The following VPS13D variants were observed in gnomAD, a reference collection of about 807,000 sequenced individuals.
The protein encoded by VPS13D is intermembrane lipid transfer protein VPS13D.
A neutral mutation model predicts 461.9 loss-of-function variants in VPS13D; 187 were observed. That is an observed-to-expected ratio of 0.40 (90% CI 0.36 to 0.46). The LOEUF is 0.46. Ranked by LOEUF, VPS13D falls within the 20% of genes least tolerant of loss-of-function variation. The pLI, the probability that VPS13D is intolerant of heterozygous loss-of-function variation, is 0.60. For missense variants in VPS13D, 4,711 were observed against 5,364.9 expected, an observed-to-expected ratio of 0.88 and a Z score of 3.81; for synonymous variants, 1,951 against 1,986.3, an observed-to-expected ratio of 0.98 and a Z score of 0.47.
At chr1:12,307,214 A>G (rs552994166) in intron 26 of VPS13D, among the ~76,000 whole-genome samples, 1 of 152,236 alleles carries the variant, frequency 6.6e-6, no homozygotes, top group South Asian at 2.1e-4. Flanking sequence ...TTATAGACTA[A>G]TGAAAAAGAC....
At chr1:12,459,756 C>T (rs539039187) in intron 66 of VPS13D, among the ~76,000 whole-genome samples, 53 of 152,162 alleles carry the variant, frequency 3.5e-4, no homozygotes, top group Non-Finnish European at 6.9e-4. Context: ...GGATTATGGG[C>T]GTGAGCCACT....
chr1:12,400,886 C>T (rs10442703), intron 61 of VPS13D, among the ~76,000 whole-genome samples: 13,008 of 150,852 alleles, frequency 0.086, 771 homozygotes, highest in Middle Eastern at 0.17. Flanking sequence ...CCTGGGAGTT[C>T]GAGGCTACAG....
At chr1:12,382,699 G>A (rs1354656685) in intron 57 of VPS13D, among the ~76,000 whole-genome samples, 1 of 152,180 alleles carries the variant, frequency 6.6e-6, no homozygotes, top group Non-Finnish European at 1.5e-5. Context: ...CAAGAAGTTA[G>A]TACTAGTAAA....
rs1381664832 is a variant in VPS13D at position 12,277,211 on chromosome 1, G to A, written c.3623G>A (p.Gly1208Asp). 1 of 1,614,088 alleles carries A rather than the reference G, an allele frequency of 6.2e-7. No homozygotes were observed. The highest frequency in any genetic ancestry group is 8.5e-7 in the Non-Finnish European group (1 of 1,180,050). Residue 1208 changes from glycine (G) to aspartate (D), a missense_variant, in exon 19 of 70, where the codon GGT (glycine) becomes GAT (aspartate). By Grantham distance (94) the Gly-to-Asp change is moderately conservative. Coordinates refer to ENST00000620676, the MANE Select transcript of VPS13D (RefSeq NM_015378.4). ...GGCACCAAAGTTAATGTCTCAATGG[G>A]TAGCACGTTTGACATGAATGGTTCT... ...IGGTKVNVSMGSTFDMNGSLG... is the reference protein window; with the variant it reads ...IGGTKVNVSMDSTFDMNGSLG...
intron 63 of VPS13D, chr1:12,409,928 A>G: frequency 2.2e-6 from 1 of 456,100 alleles, no homozygotes; most frequent in South Asian, 1.5e-5. Flanking sequence ...TTTATTCTTG[A>G]GACTTTTTCT....
intron 65 of VPS13D, among the ~76,000 whole-genome samples, chr1:12,438,219 G>A (rs1645085751): frequency 6.6e-6 from 1 of 152,152 alleles, no homozygotes; most frequent in East Asian, 1.9e-4. Flanking sequence ...AACCCCAAAG[G>A]TGTTGGTGTC....
In VPS13D at chr1:12,502,387, T is replaced by C. The variant is rs1320346425; in HGVS notation, c.12795-4466T>C. On this transcript the variant is annotated intron_variant, in intron 68 of 69. Transcript: ENST00000620676. The surrounding 1 kb of genome is among the most constrained non-coding windows in gnomAD (Gnocchi z 4.3). ...GGCTTCGGGCTCCTTGCCTGTCTGG[T>C]TGATGAGGCTGGGGGTGCTGAAGAG... 2.0e-5 allele frequency among the ~76,000 whole-genome samples: 3 copies of C among 151,978 alleles called. No homozygotes were observed. Among genetic ancestry groups the C allele is most frequent in the Admixed American group, 1.3e-4 (2 of 15,244 alleles).
In VPS13D at chr1:12,299,618, G is replaced by A. The variant is rs115659712; in HGVS notation, c.6216+234G>A. On this transcript the variant is annotated intron_variant, in intron 25 of 69. Transcript: ENST00000620676. This position sits in a 1 kb window ranked among gnomAD's most constrained non-coding sequence, Gnocchi z 4.2. Reference sequence around the variant, plus strand: ...GTAGAATTTTTTTTGACATTTTATTGATATTTCAATTAACCTTATGAATTG... The same window carrying A: ...GTAGAATTTTTTTTGACATTTTATTAATATTTCAATTAACCTTATGAATTG... Among the ~76,000 whole-genome samples the A allele has an allele frequency of 3.8e-3, 572 of 151,920 alleles. 3 individuals are homozygous for A. The highest frequency in any genetic ancestry group is 0.013 in the African/African-American group (551 of 41,406).
chr1:12,238,944 C>T (rs945010485), intron 2 of VPS13D, among the ~76,000 whole-genome samples: 1 of 151,888 alleles, frequency 6.6e-6, no homozygotes, highest in African/African-American at 2.4e-5. Flanking sequence ...GTTATTCCAC[C>T]TCTATAGTCC....
chr1:12,349,066 A>C, intron 45 of VPS13D, 93 bp downstream of exon 45: 2 of 1,608,474 alleles, frequency 1.2e-6, no homozygotes, highest in East Asian at 4.5e-5. Context: ...CTTCCCCAGC[A>C]GTCAGTATAT....
chr1:12,446,175 G>T (rs1264813957), intron 65 of VPS13D, among the ~76,000 whole-genome samples: 1 of 152,156 alleles, frequency 6.6e-6, no homozygotes, highest in African/African-American at 2.4e-5. Context: ...CCAGAACTTT[G>T]GGAGGCCAAG....
chr1:12,279,695 A>G lies in VPS13D; in HGVS notation c.4602+45A>G, dbSNP rs773455627. Reference sequence around the variant, plus strand: ...GTTGAAGTCATATGTTTATATTAGTACTCTATAAATATGATATATATTTAT... The same window carrying G: ...GTTGAAGTCATATGTTTATATTAGTGCTCTATAAATATGATATATATTTAT... On this transcript the variant is annotated intron_variant, in intron 20 of 69. Coordinates refer to ENST00000620676, the MANE Select transcript of VPS13D (RefSeq NM_015378.4). The surrounding 1 kb of genome is among the most constrained non-coding windows in gnomAD (Gnocchi z 4.3). 6.7e-7 allele frequency: 1 copy of G among 1,492,642 alleles called. No homozygotes were observed. Among genetic ancestry groups the G allele is most frequent in the African/African-American group, 1.4e-5 (1 of 71,640 alleles). The allele number at this position is 1,492,642 out of a possible 1,614,324, so 92.5% of individuals were successfully genotyped here.
At position 12,349,500 on chromosome 1, in the gene VPS13D, T is replaced by C. The variant is rs1025195108; in HGVS notation, c.9431+126T>C. ...ATCTTTATTTAAACTCTAAAGTTCT[T>C]ATTCCTTGAGTTTTAGTTAGAGTTC... On this transcript the variant is annotated intron_variant, in intron 46 of 69. Transcript: ENST00000620676. The C allele has an allele frequency of 2.5e-5, 25 of 999,152 alleles. No individual in the cohort carries two copies. In the South Asian group the frequency reaches 4.0e-4, roughly 16 times the overall value. 61.9% of individuals were successfully genotyped at this position (999,152 alleles called of 1,614,324 possible).
Position 12,311,511 on chromosome 1 carries a change from C to T in VPS13D, c.6708C>T (p.His2236=). 6.2e-7 allele frequency: 1 copy of T among 1,614,188 alleles called. No homozygotes were observed. Among genetic ancestry groups the T allele is most frequent in the East Asian group, 2.2e-5 (1 of 44,884 alleles). ...ISIHGNLSSV[H]CSLDLYKYKL... ...TCCATGGCAATCTCTCCTCAGTCCA[C>T]TGCTCTCTGGATCTGTATAAATACA... Residue 2236 remains histidine, a synonymous_variant, in exon 28 of 70, where the codon CAC becomes CAT. Coordinates refer to ENST00000620676, the MANE Select transcript of VPS13D (RefSeq NM_015378.4).
At chr1:12,238,686 C>T (rs903361175) in intron 2 of VPS13D, among the ~76,000 whole-genome samples, 1 of 149,212 alleles carries the variant, frequency 6.7e-6, no homozygotes, top group African/African-American at 2.5e-5. Flanking sequence ...GGCTAGAGTG[C>T]AGTAGTAGGA....
chr1:12,494,878 T>C (rs1165888674), intron 67 of VPS13D, among the ~76,000 whole-genome samples: 1 of 152,218 alleles, frequency 6.6e-6, no homozygotes, highest in Non-Finnish European at 1.5e-5. Context: ...CACCAAAGCT[T>C]GCATACTGGC....
At chr1:12,500,715 G>A (rs550165553) in intron 68 of VPS13D, among the ~76,000 whole-genome samples, 2 of 151,798 alleles carry the variant, frequency 1.3e-5, no homozygotes, top group East Asian at 4.0e-4. Flanking sequence ...CAGATAAGTT[G>A]TTCCTCTTTT....
At chr1:12,479,616 A>G (rs1192581044) in intron 67 of VPS13D, among the ~76,000 whole-genome samples, 1 of 152,196 alleles carries the variant, frequency 6.6e-6, no homozygotes, top group East Asian at 1.9e-4. Context: ...GTAGTAAGGA[A>G]GGGAACCAGA....
rs1319038723 is a variant in VPS13D at position 12,338,283 on chromosome 1, A to G, written c.8604A>G (p.Leu2868=). 1.2e-6 allele frequency: 2 copies of G among 1,613,650 alleles called. No individual in the cohort carries two copies. Among genetic ancestry groups the G allele is most frequent in the Non-Finnish European group, 1.7e-6 (2 of 1,179,758 alleles). ...GGAGTACAGCCAGTCTGACTAACCT[A>G]GAGCACCAGATCTATGCTAGAGGTA... ...RTRSTASLTN[L]EHQIYARAEV... Residue 2868 remains leucine, a synonymous_variant, in exon 40 of 70, where the codon CTA becomes CTG. Transcript: ENST00000620676.
Sources: allele counts gnomAD v4.1 joint callset (sites outside exome capture counted in the v4.1 genomes callset), GRCh38; gene constraint gnomAD v4.1.1; non-coding constraint Gnocchi (gnomAD v3.1); transcripts MANE v1.5; gene names NCBI Gene and HGNC (gene_info 2026-07-23, HGNC 2026-07-21).